The following SEMA3E variants were observed in gnomAD, a reference collection of about 807,000 sequenced individuals.
SEMA3E encodes semaphorin 3E, also known as semaphorin-3E.
In SEMA3E, 49 loss-of-function variants were observed where a neutral mutation model predicts 93.6. The observed-to-expected ratio is 0.52, with a 90% confidence interval of 0.42 to 0.66. SEMA3E has a LOEUF of 0.66. Among genes scored for constraint, SEMA3E ranks in the 30% least tolerant of loss-of-function variants. The probability of loss-of-function intolerance (pLI) is 0.00; values close to 1 mark genes in which losing one functional copy is unlikely to be tolerated. For missense variants in SEMA3E, 906 were observed against 964.8 expected, an observed-to-expected ratio of 0.94 and a Z score of 0.81; for synonymous variants, 363 against 330.7, an observed-to-expected ratio of 1.10 and a Z score of -1.06.
At position 83,442,218 on chromosome 7, in the gene SEMA3E, G is replaced by A. The variant is rs575058897; in HGVS notation, c.457-23735C>T. ...CATTATATTTGAGTTTTACTTAGAA[G>A]TCAAACAAATAATATTATGTCCTAT... On this transcript the variant is annotated intron_variant, in intron 4 of 16. Transcript: ENST00000643230. Among the ~76,000 whole-genome samples, 37 of 152,232 alleles carry A rather than the reference G, an allele frequency of 2.4e-4. No individual in the cohort carries two copies. In the South Asian group the frequency reaches 7.5e-3, roughly 31 times the overall value.
At chr7:83,623,142 A>G (rs572165419) in intron 1 of SEMA3E, among the ~76,000 whole-genome samples, 203 of 152,264 alleles carry the variant, frequency 1.3e-3, no homozygotes, top group Non-Finnish European at 2.3e-3. Flanking sequence ...TTGCCAGGCA[A>G]TTTTATTTTA....
At chr7:83,372,473 A>C (rs2116898449) in intron 16 of SEMA3E, among the ~76,000 whole-genome samples, 1 of 152,296 alleles carries the variant, frequency 6.6e-6, no homozygotes, top group South Asian at 2.1e-4. Flanking sequence ...AAAAATAAAT[A>C]CAAATTCTTG....
intron 4 of SEMA3E, among the ~76,000 whole-genome samples, chr7:83,451,129 TGAA>T (rs905998846): frequency 9.2e-5 from 14 of 152,308 alleles, no homozygotes; most frequent in African/African-American, 3.1e-4. Flanking sequence ...TGCCATCATG[TGAA>T]GAAGGACAGG....
chr7:83,561,917 C>T (rs920297638), intron 1 of SEMA3E, among the ~76,000 whole-genome samples: 11 of 152,018 alleles, frequency 7.2e-5, no homozygotes, highest in African/African-American at 2.7e-4. Context: ...GAGTTTTTGG[C>T]CACAGAAGCC....
chr7:83,642,636 A>G (rs1315197117), intron 1 of SEMA3E, among the ~76,000 whole-genome samples: 7 of 152,046 alleles, frequency 4.6e-5, no homozygotes, highest in Admixed American at 3.9e-4. Flanking sequence ...TATGCCTCCA[A>G]TGTTATTTAA....
At chr7:83,623,213 ACAAC>A (rs1325134892) in intron 1 of SEMA3E, among the ~76,000 whole-genome samples, 3 of 152,154 alleles carry the variant, frequency 2.0e-5, no homozygotes, top group Non-Finnish European at 4.4e-5. Context: ...ACTAATGATG[ACAAC>A]AATATAATTT....
intron 1 of SEMA3E, among the ~76,000 whole-genome samples, chr7:83,620,441 C>A (rs1225406175): frequency 6.6e-6 from 1 of 152,110 alleles, no homozygotes; most frequent in East Asian, 1.9e-4. Flanking sequence ...GGTACCATTT[C>A]TCCTGAAACT....
Position 83,507,993 on chromosome 7 carries a change from A to G in SEMA3E, c.116-17719T>C, listed in dbSNP as rs533625759. Among the ~76,000 whole-genome samples the G allele has an allele frequency of 2.0e-5, 3 of 152,226 alleles. No homozygotes were observed. The East Asian group carries it at 5.8e-4, about 30-fold the overall frequency. ...ATGCAAATAATATCAAGAAATGAGC[A>G]TATCAGTTATAGTTCATAGTACTAA... On this transcript the variant is annotated intron_variant, in intron 1 of 16. Coordinates refer to ENST00000643230, the MANE Select transcript of SEMA3E (RefSeq NM_012431.3).
intron 8 of SEMA3E, 118 bp from the exon 9 acceptor site, chr7:83,405,637 A>C (rs1381491762): frequency 1.4e-5 from 12 of 846,204 alleles, no homozygotes; most frequent in Non-Finnish European, 2.4e-5. Context: ...GTGTATTTTC[A>C]TATACAATCA....
chr7:83,493,014 GAAC>G, intron 1 of SEMA3E, among the ~76,000 whole-genome samples: 1 of 152,004 alleles, frequency 6.6e-6, no homozygotes, highest in African/African-American at 2.4e-5. Flanking sequence ...AGGTAAACTT[GAAC>G]AACCTCTTAA....
At chr7:83,462,586 G>C (rs1789651001) in intron 4 of SEMA3E, among the ~76,000 whole-genome samples, 1 of 151,634 alleles carries the variant, frequency 6.6e-6, no homozygotes, top group Non-Finnish European at 1.5e-5. Flanking sequence ...CCTCCTTGGC[G>C]ACCGACCATG....
At chr7:83,426,290 G>A (rs1189403365) in intron 4 of SEMA3E, among the ~76,000 whole-genome samples, 2 of 152,074 alleles carry the variant, frequency 1.3e-5, no homozygotes, top group Non-Finnish European at 1.5e-5. Context: ...GTTCATTGCA[G>A]CATTATTCAC....
rs750247581 is a variant in SEMA3E at position 83,648,388 on chromosome 7, T to G, written c.115+40A>C. 3.3e-5 allele frequency: 47 copies of G among 1,424,632 alleles called. No homozygotes were observed. The Admixed American group carries it at 8.6e-4, about 26-fold the overall frequency. The allele number at this position is 1,424,632 out of a possible 1,614,324, so 88.2% of individuals were successfully genotyped here. A position where few individuals can be genotyped will look rare whatever the true frequency, so the allele number is the denominator to read the frequency against. ...TTTTTTTCTTTTTTCTTTTTCTTTT[T>G]TTTTTTTTTTAAACAAAAGGATCTG... is the stretch of plus-strand genomic sequence containing the variant. On this transcript the variant is annotated intron_variant, in intron 1 of 16. Transcript: ENST00000643230.
At chr7:83,556,186 AC>A (rs1363338406) in intron 1 of SEMA3E, among the ~76,000 whole-genome samples, 1 of 152,180 alleles carries the variant, frequency 6.6e-6, no homozygotes, top group African/African-American at 2.4e-5. Context: ...TTTAAAAAGG[AC>A]ATTCTCCCTC....
chr7:83,643,780 A>G lies in SEMA3E; in HGVS notation c.115+4648T>C, dbSNP rs547777401. On this transcript the variant is annotated intron_variant, in intron 1 of 16. Transcript: ENST00000643230. ...TTTTTATAATATAAACTATTTCTTA[A>G]TAAATCCACCACTTAATTCTCACTG... 1.1e-4 allele frequency among the ~76,000 whole-genome samples: 16 copies of G among 152,120 alleles called. No homozygotes were observed. In the East Asian group the frequency reaches 2.7e-3, roughly 26 times the overall value.
intron 16 of SEMA3E, among the ~76,000 whole-genome samples, chr7:83,384,278 C>T (rs1323026253): frequency 6.6e-6 from 1 of 151,932 alleles, no homozygotes. Context: ...ATTTTGTATT[C>T]CAATGACAAA....
At chr7:83,440,992 T>C (rs1397089655) in intron 4 of SEMA3E, among the ~76,000 whole-genome samples, 1 of 152,144 alleles carries the variant, frequency 6.6e-6, no homozygotes, top group East Asian at 1.9e-4. Flanking sequence ...CTTCACTTAG[T>C]GTGCAATGGT....
At chr7:83,388,341 A>G (rs1393060420) in intron 14 of SEMA3E, among the ~76,000 whole-genome samples, 3 of 145,648 alleles carry the variant, frequency 2.1e-5, no homozygotes, top group African/African-American at 5.0e-5. Context: ...ATATATATAT[A>G]TCTTTAAATA....
At chr7:83,477,162 A>G (rs759527976) in intron 2 of SEMA3E, among the ~76,000 whole-genome samples, 14 of 152,158 alleles carry the variant, frequency 9.2e-5, no homozygotes, top group Non-Finnish European at 1.6e-4. Context: ...TTGTCTAAAA[A>G]TTAGATTATC....
Sources: gnomAD v4.1 joint callset for allele counts (sites outside exome capture counted in the v4.1 genomes callset) on GRCh38, gnomAD v4.1.1 for gene constraint, MANE v1.5 for transcripts, NCBI Gene and HGNC (gene_info 2026-07-23, HGNC 2026-07-21) for gene names.